MS4A5: variants seen among roughly 807,000 people sequenced by gnomAD.
The protein encoded by MS4A5 is membrane-spanning 4-domains subfamily A member 5.
MS4A5 carries 15 observed loss-of-function variants against 18.2 expected under a neutral mutation model. The observed-to-expected ratio is 0.83, with a 90% CI of 0.55 to 1.27. MS4A5 has a LOEUF of 1.27. Ranked by LOEUF, MS4A5 falls within the 50% of genes most tolerant of loss-of-function variation. The probability of loss-of-function intolerance (pLI) is 0.00; values close to 1 mark genes in which losing one functional copy is unlikely to be tolerated. For synonymous variants in MS4A5, 89 were observed against 78.7 expected (o/e 1.13, Z -0.69); for missense variants, 232 against 225.7 (o/e 1.03, Z -0.18).
At position 60,433,668 on chromosome 11, in the gene MS4A5, G is replaced by A. The variant is rs1590830928; in HGVS notation, c.340-97G>A. On this transcript the variant is annotated intron_variant, in intron 3 of 4. Coordinates refer to ENST00000300190, the MANE Select transcript of MS4A5 (RefSeq NM_023945.3). ...AGCTGCCTCGTGGCATTAAGATGCT[G>A]TGACTAAAATCCTGCTCTCCATTCT... 3 of 1,224,616 alleles carry A rather than the reference G, an allele frequency of 2.4e-6. No homozygotes were observed. The East Asian group carries it at 7.0e-5, about 29-fold the overall frequency. The allele number at this position is 1,224,616 out of a possible 1,614,324, so 75.9% of individuals were successfully genotyped here. A position where few individuals can be genotyped will look rare whatever the true frequency, so the allele number is the denominator to read the frequency against.
intron 4 of MS4A5, chr11:60,435,325 C>CAAA (rs11377519): frequency 2.0e-3 from 786 of 393,022 alleles, no homozygotes; most frequent in African/African-American, 6.0e-3. Flanking sequence ...CAGAACATAG[C>CAAA]AAAAAAAAAA....
At chr11:60,436,736 G>C (rs11230314) in intron 4 of MS4A5, among the ~76,000 whole-genome samples, 6,678 of 134,396 alleles carry the variant, frequency 0.05, 1,270 homozygotes, top group East Asian at 0.34. Flanking sequence ...AGAATAAAAA[G>C]AAATGAGCAA....
chr11:60,441,296 G>A (rs1415559908), intron 4 of MS4A5, among the ~76,000 whole-genome samples: 2 of 121,058 alleles, frequency 1.7e-5, no homozygotes, highest in African/African-American at 2.8e-5. Context: ...GGGAGGGGGG[G>A]AGGGATAGCA....
At chr11:60,435,629 G>A (rs141036957) in intron 4 of MS4A5, 3,981 of 248,956 alleles carry the variant, frequency 0.016, 158 homozygotes, top group African/African-American at 0.078. Flanking sequence ...GAAGCGCAAG[G>A]GGTCAGGGAG....
At chr11:60,430,200 C>T (rs2086040713) in intron 1 of MS4A5, among the ~76,000 whole-genome samples, 1 of 152,040 alleles carries the variant, frequency 6.6e-6, no homozygotes. Context: ...TTTCCCAGCA[C>T]TTGTCAAACC....
rs147479789 is a variant in MS4A5 at position 60,445,477 on chromosome 11, C to T, written c.493-2172C>T. ...GTTTCAGCATGTTGCCCAGGCTGGT[C>T]TCAAACTCCTGAGCTCAGGCAATCC... On this transcript the variant is annotated intron_variant, in intron 4 of 4. Transcript: ENST00000300190. Among the ~76,000 whole-genome samples, 346 of 152,202 alleles carry T rather than the reference C, an allele frequency of 2.3e-3. 2 individuals carry two copies. Among genetic ancestry groups the T allele is most frequent in the African/African-American group, 8.1e-3 (337 of 41,538 alleles).
At chr11:60,437,533 A>G (rs535612612) in intron 4 of MS4A5, among the ~76,000 whole-genome samples, 1 of 152,214 alleles carries the variant, frequency 6.6e-6, no homozygotes, top group African/African-American at 2.4e-5. Flanking sequence ...AATGCATCTC[A>G]TGTGCAGAGA....
At chr11:60,440,756 T>C (rs1208897224) in intron 4 of MS4A5, among the ~76,000 whole-genome samples, 16 of 114,144 alleles carry the variant, frequency 1.4e-4, no homozygotes, top group East Asian at 2.5e-4. Flanking sequence ...AGAATGGCAA[T>C]CATTAAAAAG....
At chr11:60,433,732 C>G (rs1474774072) in intron 3 of MS4A5, 33 bp from the exon 4 acceptor site, 1 of 1,606,786 alleles carries the variant, frequency 6.2e-7, no homozygotes, top group Non-Finnish European at 8.5e-7. Flanking sequence ...GGCTGGACCT[C>G]AGTCACATTG....
chr11:60,439,907 C>A lies in MS4A5; in HGVS notation c.492+5990C>A, dbSNP rs1197856480. 3.0e-5 allele frequency among the ~76,000 whole-genome samples: 3 copies of A among 99,634 alleles called. No homozygotes were observed. The East Asian group carries it at 8.0e-4, about 27-fold the overall frequency. The allele number at this position is 99,634 out of a possible 152,430, so 65.4% of individuals were successfully genotyped here. Reference sequence around the variant, plus strand: ...ATCAAGCTACCAATGACTTTCTTCACAGAATTGGAAAAAACTATTTTAAAG... The same window carrying A: ...ATCAAGCTACCAATGACTTTCTTCAAAGAATTGGAAAAAACTATTTTAAAG... On this transcript the variant is annotated intron_variant, in intron 4 of 4. Transcript: ENST00000300190.
rs1363139000 is a variant in MS4A5 at position 60,432,440 on chromosome 11, AGT to A, written c.314_315del (p.Val105GlufsTer19). 1 of 1,593,638 alleles carries A rather than the reference AGT, an allele frequency of 6.3e-7. No homozygotes were observed. Among genetic ancestry groups the A allele is most frequent in the Non-Finnish European group, 8.6e-7 (1 of 1,163,710 alleles). On this transcript the variant is annotated frameshift_variant, in exon 3 of 5. Transcript: ENST00000300190. LOFTEE classifies it high-confidence loss of function. ...FINSGAFLIA[V>X]KRKTTETLII... is the part of the protein sequence containing the mutation. Reference sequence around the variant, plus strand: ...TTAATTCTGGAGCCTTCCTAATTGCAGTGAAAAGAAAAACCACAGAAACTCTG... The same window carrying A: ...TTAATTCTGGAGCCTTCCTAATTGCAGAAAAGAAAAACCACAGAAACTCTG...
intron 4 of MS4A5, among the ~76,000 whole-genome samples, chr11:60,435,181 C>T (rs1479344348): frequency 2.0e-5 from 3 of 152,078 alleles, no homozygotes; most frequent in Non-Finnish European, 2.9e-5. Context: ...AGAAGCAAAA[C>T]CGAAGTCTAT....
chr11:60,436,407 G>A (rs1163730098), intron 4 of MS4A5, among the ~76,000 whole-genome samples: 3 of 139,572 alleles, frequency 2.1e-5, no homozygotes, highest in Admixed American at 1.5e-4. Context: ...CACCAGCAAC[G>A]GAACAAAGCT....
intron 4 of MS4A5, among the ~76,000 whole-genome samples, chr11:60,441,352 G>A (rs1319140871): frequency 5.1e-5 from 6 of 117,432 alleles, no homozygotes; most frequent in Non-Finnish European, 8.7e-5. Flanking sequence ...TGGGTGCAGG[G>A]CACCAGCATG....
intron 1 of MS4A5, among the ~76,000 whole-genome samples, chr11:60,430,459 T>C (rs2086042348): frequency 1.3e-5 from 2 of 152,196 alleles, no homozygotes; most frequent in African/African-American, 4.8e-5. Flanking sequence ...GAAGAACTTA[T>C]GAAGACACAG....
At chr11:60,431,776 C>T (rs529359881) in intron 2 of MS4A5, among the ~76,000 whole-genome samples, 1 of 152,220 alleles carries the variant, frequency 6.6e-6, no homozygotes, top group South Asian at 2.1e-4. Context: ...AATATGAGCA[C>T]AGGCTGAAGG....
chr11:60,437,201 A>C (rs1340575194), intron 4 of MS4A5, among the ~76,000 whole-genome samples: 2 of 147,848 alleles, frequency 1.4e-5, no homozygotes, highest in African/African-American at 2.5e-5. Context: ...GAAATAAAAT[A>C]CTTTACAGAC....
chr11:60,435,606 T>A (rs1016224880), intron 4 of MS4A5: 25 of 278,156 alleles, frequency 9.0e-5, no homozygotes, highest in Non-Finnish European at 1.4e-4. Context: ...GGGCGAGGCA[T>A]TGCCTCACTT....
At chr11:60,443,668 T>C (rs1321637215) in intron 4 of MS4A5, among the ~76,000 whole-genome samples, 1 of 151,566 alleles carries the variant, frequency 6.6e-6, no homozygotes, top group Admixed American at 6.6e-5. Flanking sequence ...ACACAAACCA[T>C]GGATAAGATA....
Sources: allele counts gnomAD v4.1 joint callset (sites outside exome capture counted in the v4.1 genomes callset), GRCh38; gene constraint gnomAD v4.1.1; transcripts MANE v1.5; gene names NCBI Gene and HGNC (gene_info 2026-07-23, HGNC 2026-07-21).